The following VRK3 variants were observed in gnomAD, a reference collection of about 807,000 sequenced individuals.
The protein encoded by VRK3 is VRK serine/threonine kinase 3.
Under a neutral mutation model 60.4 loss-of-function variants are expected in VRK3, and 50 were observed. The observed-to-expected ratio is 0.83, with a 90% confidence interval of 0.66 to 1.05. VRK3 has a LOEUF of 1.05. Ranked by LOEUF, VRK3 falls within the 50% of genes least tolerant of loss-of-function variation. VRK3 has a pLI of 0.00. For synonymous variants in VRK3, 246 were observed against 227.8 expected (o/e 1.08, Z -0.72); for missense variants, 549 against 585.3 (o/e 0.94, Z 0.64).
At chr19:49,981,229 G>A (rs917711984) in intron 12 of VRK3, 4 of 589,660 alleles carry the variant, frequency 6.8e-6, no homozygotes, top group Non-Finnish European at 3.0e-6. Flanking sequence ...CAAGCCTCTG[G>A]CCACACGATT....
intron 6 of VRK3, chr19:49,997,810 G>C: frequency 2.3e-6 from 1 of 432,152 alleles, no homozygotes. Flanking sequence ...CTAGAATGTA[G>C]CCTTCAGCAT....
At chr19:49,988,344 C>A in intron 12 of VRK3, 28 bp downstream of exon 12, 1 of 1,591,012 alleles carries the variant, frequency 6.3e-7, no homozygotes, top group Non-Finnish European at 8.5e-7. Flanking sequence ...TGACCACCTG[C>A]AGGGGTTCTG....
At chr19:49,991,559 TTC>T (rs1179650444) in intron 10 of VRK3, among the ~76,000 whole-genome samples, 1 of 147,252 alleles carries the variant, frequency 6.8e-6, no homozygotes, top group Non-Finnish European at 1.5e-5. Context: ...ACCCTGCCAG[TTC>T]TGTTTCTCTG....
At chr19:50,011,605 C>A in intron 3 of VRK3, among the ~76,000 whole-genome samples, 1 of 151,532 alleles carries the variant, frequency 6.6e-6, no homozygotes, top group Non-Finnish European at 1.5e-5. Flanking sequence ...AAACTCCCTC[C>A]CATGGTCCTG....
At chr19:50,023,845 C>CG (rs2077212928) in intron 1 of VRK3, among the ~76,000 whole-genome samples, 1 of 152,240 alleles carries the variant, frequency 6.6e-6, no homozygotes, top group South Asian at 2.1e-4. Context: ...CTGGATGGTC[C>CG]CTAAAAAAGA....
chr19:49,989,525 G>A (rs749634447), intron 11 of VRK3, 114 bp downstream of exon 11: 181 of 1,378,018 alleles, frequency 1.3e-4, no homozygotes, highest in Middle Eastern at 2.7e-4. Context: ...CTGTCCTGGC[G>A]CCCTTAGTGC....
chr19:50,007,815 T>C lies in VRK3; in HGVS notation c.301A>G (p.Arg101Gly), dbSNP rs774014917. The change falls in exon 5 of 15, where the codon AGA becomes GGA. Residue 101 changes from arginine (R) to glycine (G), a missense_variant. Physicochemically the swap from Arg to Gly is moderately radical, Grantham distance 125. Coordinates refer to ENST00000316763, the MANE Select transcript of VRK3 (RefSeq NM_016440.4). ...GGGCTGCTTTTGGGGGTTGGGGGTC[T>C]GCTCCCGGAGCCTGCAGGAGGATGT... The part of the protein sequence containing the change: ...SSERSKGSGS[R>G]PPTPKSSPQK... 2 of 1,614,206 alleles carry C rather than the reference T, an allele frequency of 1.2e-6. No individual in the cohort carries two copies. Among genetic ancestry groups the C allele is most frequent in the Admixed American group, 3.3e-5 (2 of 60,020 alleles).
At chr19:49,984,507 G>A (rs746080175) in intron 12 of VRK3, among the ~76,000 whole-genome samples, 61 of 152,120 alleles carry the variant, frequency 4.0e-4, no homozygotes, top group Non-Finnish European at 3.4e-4. Flanking sequence ...CTTCCTGTCC[G>A]TGTCTCCTCC....
rs1441960223 is a variant in VRK3, at chr19:49,988,446, C to T, written c.1143G>A (p.Leu381=). ...ATGGCAGAAACCCGTAGAGCCACTT[C>T]AGCATGCAGTAGCCCAGGCTCTGGA... is the stretch of plus-strand genomic sequence containing the variant. ...SDLQSLGYCM[L]KWLYGFLPWT... The change falls in exon 12 of 15, where the codon CTG becomes CTA. Residue 381 remains leucine, a synonymous_variant. Transcript: ENST00000316763. 2.5e-6 allele frequency: 4 copies of T among 1,613,788 alleles called. No homozygotes were observed. The highest frequency in any genetic ancestry group is 2.2e-5 in the South Asian group (2 of 91,054).
At chr19:50,007,236 T>C (rs1377397711) in intron 5 of VRK3, among the ~76,000 whole-genome samples, 4 of 151,998 alleles carry the variant, frequency 2.6e-5, no homozygotes, top group Non-Finnish European at 4.4e-5. Context: ...AGAACAACCA[T>C]CCTTAACATG....
chr19:50,023,599 G>A (rs991872894), intron 1 of VRK3, among the ~76,000 whole-genome samples: 5 of 152,210 alleles, frequency 3.3e-5, no homozygotes, highest in Non-Finnish European at 7.3e-5. Flanking sequence ...TCATGATGGC[G>A]GGGACTTTTC....
Position 49,977,781 on chromosome 19 carries a change from G to A in VRK3, c.*12-997C>T, listed in dbSNP as rs571035444. Among the ~76,000 whole-genome samples the A allele has an allele frequency of 1.2e-3, 189 of 152,256 alleles. 3 individuals are homozygous for A. Among genetic ancestry groups the A allele is most frequent in the African/African-American group, 4.3e-3 (177 of 41,528 alleles). ...TGTGTATCGAGCTGGAGAGGTGGGG[G>A]AAAGAGGGAGATTGGCACAGGTCAT... On this transcript the variant is annotated intron_variant, in intron 14 of 14. Coordinates refer to ENST00000316763, the MANE Select transcript of VRK3 (RefSeq NM_016440.4).
intron 1 of VRK3, among the ~76,000 whole-genome samples, chr19:50,021,403 C>T (rs767379565): frequency 6.6e-5 from 10 of 152,168 alleles, no homozygotes; most frequent in Non-Finnish European, 1.3e-4. Flanking sequence ...AAACAACTTG[C>T]ACCTGGCTGG....
intron 3 of VRK3, 103 bp downstream of exon 3, chr19:50,015,921 G>A (rs1414886395): frequency 8.5e-6 from 13 of 1,525,796 alleles, no homozygotes; most frequent in Non-Finnish European, 9.0e-6. Context: ...TCCAGTGTCA[G>A]GACAGGGTCA....
chr19:49,977,528 G>A (rs1297977244), intron 14 of VRK3, among the ~76,000 whole-genome samples: 2 of 152,112 alleles, frequency 1.3e-5, no homozygotes, highest in East Asian at 1.9e-4. Flanking sequence ...TCGCTCCATC[G>A]ATAAACAGGA....
intron 12 of VRK3, among the ~76,000 whole-genome samples, chr19:49,984,391 T>C (rs968583442): frequency 7.9e-5 from 12 of 152,090 alleles, no homozygotes; most frequent in African/African-American, 2.9e-4. Flanking sequence ...AGAGACCAGG[T>C]CAGGCATCTC....
In VRK3 at chr19:49,988,494, T is replaced by TGGGGAAGGAGG. The variant is rs2076555654; in HGVS notation, c.1097-13_1097-3dup. On this transcript the variant is annotated splice_polypyrimidine_tract_variant and splice_region_variant and intron_variant, in intron 11 of 14. Transcript: ENST00000316763. ...GGAGGTCGCTGCGGCGGGAGGGCCC[T>TGGGGAAGGAGG]GGGGAAGGAGGAGTAAAGGTGGCAG... is the stretch of plus-strand genomic sequence containing the variant. 1 of 1,612,192 alleles carries TGGGGAAGGAGG rather than the reference T, an allele frequency of 6.2e-7. No individual in the cohort carries two copies. The highest frequency in any genetic ancestry group is 1.1e-5 in the South Asian group (1 of 90,984).
intron 5 of VRK3, among the ~76,000 whole-genome samples, chr19:50,005,262 G>A (rs1212898588): frequency 2.7e-5 from 4 of 149,250 alleles, no homozygotes; most frequent in Admixed American, 2.0e-4. Context: ...ACTCAGATTC[G>A]GGGCTGTCTG....
chr19:50,021,384 G>A (rs185184506), intron 1 of VRK3, among the ~76,000 whole-genome samples: 2 of 152,222 alleles, frequency 1.3e-5, no homozygotes, highest in South Asian at 2.1e-4. Flanking sequence ...TCCCAGGCTG[G>A]GTCATAAAAA....
Sources: allele counts gnomAD v4.1 joint callset (sites outside exome capture counted in the v4.1 genomes callset), GRCh38; gene constraint gnomAD v4.1.1; transcripts MANE v1.5; gene names NCBI Gene and HGNC (gene_info 2026-07-23, HGNC 2026-07-21).